The following ARID1B variants were observed in gnomAD, a reference collection of about 807,000 sequenced individuals.
ARID1B encodes AT-rich interaction domain 1B, also known as AT-rich interactive domain-containing protein 1B.
In ARID1B, 30 loss-of-function variants were observed where a neutral mutation model predicts 212.3. That is an observed-to-expected ratio of 0.14 (90% CI 0.11 to 0.19). The LOEUF (loss-of-function observed/expected upper bound fraction) is 0.19, where lower values mean the gene tolerates loss of function less well. ARID1B is among the 10% of genes least tolerant of loss of function. The pLI, the probability that ARID1B is intolerant of heterozygous loss-of-function variation, is 1.00. For synonymous variants in ARID1B, 1,402 were observed against 1,301.7 expected, an observed-to-expected ratio of 1.08 and a Z score of -1.66; for missense variants, 2,891 against 3,204.0, an observed-to-expected ratio of 0.90 and a Z score of 2.36.
chr6:157,054,220 T>C (rs1782788874), intron 4 of ARID1B, among the ~76,000 whole-genome samples: 1 of 79,656 alleles, frequency 1.3e-5, no homozygotes, highest in South Asian at 3.0e-4. Context: ...CAAGACTCTG[T>C]CTCAAAAAAA....
At chr6:156,781,876 TTAGAG>T (rs1397804328) in intron 1 of ARID1B, among the ~76,000 whole-genome samples, 1 of 151,842 alleles carries the variant, frequency 6.6e-6, no homozygotes, top group East Asian at 1.9e-4. Context: ...CCATGTTACT[TTAGAG>T]TATTTTTTTC....
At chr6:156,945,548 A>T (rs1793058468) in intron 4 of ARID1B, among the ~76,000 whole-genome samples, 2 of 151,582 alleles carry the variant, frequency 1.3e-5, no homozygotes, top group Admixed American at 1.3e-4. Context: ...GATCTCCCTG[A>T]GTCTTTCTTT....
At chr6:157,150,364 G>T (rs1016666044) in intron 8 of ARID1B, 1 of 152,050 alleles carries the variant, frequency 6.6e-6, no homozygotes, top group Non-Finnish European at 1.5e-5. Flanking sequence ...GCCATTTTCC[G>T]TTTCTAATGC....
Position 157,031,001 on chromosome 6 carries a change from T to C in ARID1B, c.2248-53661T>C, listed in dbSNP as rs1410248818. On this transcript the variant is annotated intron_variant, in intron 4 of 19. Transcript: ENST00000636930. ...GCCGTCATGTGGTCTGTCATGCTAA[T>C]GAGGAGAACGAGGAGAATTAATAAG... Among the ~76,000 whole-genome samples the C allele has an allele frequency of 2.0e-5, 3 of 151,906 alleles. No homozygotes were observed. In the East Asian group the frequency reaches 5.8e-4, roughly 29 times the overall value.
intron 2 of ARID1B, among the ~76,000 whole-genome samples, chr6:156,880,175 T>C (rs1201010653): frequency 6.6e-6 from 1 of 152,060 alleles, no homozygotes; most frequent in Non-Finnish European, 1.5e-5. Context: ...TGTGAGCAAA[T>C]GACCAGTCGT....
At chr6:156,808,600 T>C (rs190473130) in intron 1 of ARID1B, among the ~76,000 whole-genome samples, 2 of 152,356 alleles carry the variant, frequency 1.3e-5, no homozygotes, top group Admixed American at 1.3e-4. Flanking sequence ...TTACCTGTTT[T>C]GTTTTCAGTC....
At chr6:156,977,964 C>T (rs1210928768) in intron 4 of ARID1B, among the ~76,000 whole-genome samples, 2 of 152,124 alleles carry the variant, frequency 1.3e-5, no homozygotes, top group African/African-American at 2.4e-5. Context: ...GTGGTTTTCC[C>T]TCTCTGGCGG....
At chr6:156,974,972 G>A (rs1338405085) in intron 4 of ARID1B, among the ~76,000 whole-genome samples, 1 of 152,074 alleles carries the variant, frequency 6.6e-6, no homozygotes, top group Non-Finnish European at 1.5e-5. Context: ...ATTTTGAATA[G>A]TTCTGCCAGG....
chr6:157,098,065 C>G (rs1350217791), intron 5 of ARID1B, among the ~76,000 whole-genome samples: 1 of 151,694 alleles, frequency 6.6e-6, no homozygotes, highest in African/African-American at 2.4e-5. Flanking sequence ...TTAAGCTTCT[C>G]AAACAAAAAA....
intron 8 of ARID1B, among the ~76,000 whole-genome samples, chr6:157,161,454 T>TATATATA (rs1790939734): frequency 2.0e-5 from 3 of 149,136 alleles, no homozygotes; most frequent in Admixed American, 6.6e-5. Flanking sequence ...TATATATATA[T>TATATATA]TTTGGCGGGG....
chr6:157,078,031 C>T (rs1349670515), intron 4 of ARID1B, among the ~76,000 whole-genome samples: 1 of 152,180 alleles, frequency 6.6e-6, no homozygotes, highest in African/African-American at 2.4e-5. Context: ...AGCAGTTACG[C>T]ACACGAGTCT....
At position 157,206,107 on chromosome 6, in the gene ARID1B, A is replaced by T. The variant is rs1794421311; in HGVS notation, c.5395-60A>T. 1.3e-6 allele frequency: 2 copies of T among 1,544,398 alleles called. No individual in the cohort carries two copies. Among genetic ancestry groups the T allele is most frequent in the South Asian group, 1.2e-5 (1 of 83,482 alleles). ...CTCAGGATCTTTACCCTCCTCGGTC[A>T]TATCTGATGTCATGACATTGTACCT... On this transcript the variant is annotated intron_variant, in intron 19 of 19. Coordinates refer to ENST00000636930, the MANE Select transcript of ARID1B (RefSeq NM_001374828.1). The surrounding 1 kb of genome is among the most constrained non-coding windows in gnomAD (Gnocchi z 6.8).
intron 3 of ARID1B, among the ~76,000 whole-genome samples, chr6:156,926,645 C>T (rs1262065931): frequency 2.1e-4 from 32 of 152,134 alleles, no homozygotes; most frequent in Non-Finnish European, 1.5e-5. Flanking sequence ...CCTTCTCATC[C>T]CCGTATCCCC....
chr6:157,176,858 A>G (rs768970764), intron 11 of ARID1B, among the ~76,000 whole-genome samples: 7 of 152,218 alleles, frequency 4.6e-5, no homozygotes, highest in Non-Finnish European at 1.0e-4. Context: ...AAAAAAGATA[A>G]TAAGAATGAG....
At position 157,189,444 on chromosome 6, in the gene ARID1B, T is replaced by A. The variant is rs143278346; in HGVS notation, c.3920-198T>A. Among the ~76,000 whole-genome samples, 4,126 of 152,356 alleles carry A rather than the reference T, an allele frequency of 0.027. 88 individuals carry two copies. Among genetic ancestry groups the A allele is most frequent in the Admixed American group, 0.043 (658 of 15,302 alleles). The stretch of plus-strand genomic sequence containing the variant: ...CCAAATAGTTTACTCAAAAACTTCT[T>A]TACTAATTTTTACTGTAAACAATAG... On this transcript the variant is annotated intron_variant, in intron 13 of 19. Transcript: ENST00000636930.
At chr6:156,814,915 G>A (rs1781857758) in intron 1 of ARID1B, among the ~76,000 whole-genome samples, 1 of 151,836 alleles carries the variant, frequency 6.6e-6, no homozygotes, top group African/African-American at 2.4e-5. Context: ...CGTTAATTGT[G>A]ATGACAGGTT....
chr6:156,916,498 A>T (rs1307948985), intron 3 of ARID1B, among the ~76,000 whole-genome samples: 1 of 152,124 alleles, frequency 6.6e-6, no homozygotes, highest in East Asian at 1.9e-4. Context: ...CTTCCATTTT[A>T]AAGTATTTTT....
At chr6:157,129,952 T>G (rs1292778127) in intron 6 of ARID1B, among the ~76,000 whole-genome samples, 1 of 152,188 alleles carries the variant, frequency 6.6e-6, no homozygotes, top group Admixed American at 6.5e-5. Context: ...ACAGATCATT[T>G]GAGGTCAGGC....
chr6:156,994,588 G>A (rs1303433686), intron 4 of ARID1B, among the ~76,000 whole-genome samples: 4 of 151,718 alleles, frequency 2.6e-5, no homozygotes, highest in South Asian at 2.1e-4. Flanking sequence ...AAAAAAAAAA[G>A]CAAAACTATT....
Sources: gnomAD v4.1 joint callset for allele counts (sites outside exome capture counted in the v4.1 genomes callset) on GRCh38, gnomAD v4.1.1 for gene constraint, Gnocchi (gnomAD v3.1) non-coding constraint, MANE v1.5 for transcripts, NCBI Gene and HGNC (gene_info 2026-07-23, HGNC 2026-07-21) for gene names.